MCCC1: variants seen among roughly 807,000 people sequenced by gnomAD.
The protein encoded by MCCC1 is methylcrotonyl-CoA carboxylase subunit 1.
In MCCC1, 64 loss-of-function variants were observed where a neutral mutation model predicts 83.8. The ratio of observed to expected loss-of-function variants is 0.76; its 90% CI spans 0.62 to 0.94. MCCC1 has a LOEUF of 0.94. Ranked by LOEUF, MCCC1 falls within the 40% of genes least tolerant of loss-of-function variation. MCCC1 has a pLI of 0.00. For missense variants in MCCC1, 807 were observed against 904.7 expected (o/e 0.89, Z 1.39); for synonymous variants, 322 against 315.4 (o/e 1.02, Z -0.22).
intron 3 of MCCC1, among the ~76,000 whole-genome samples, chr3:183,091,773 T>A (rs555852165): frequency 6.6e-6 from 1 of 152,166 alleles, no homozygotes; most frequent in East Asian, 1.9e-4. Flanking sequence ...CTAGGCACGG[T>A]GGCTCACGCC....
At chr3:183,030,446 T>C (rs919388364) in intron 14 of MCCC1, among the ~76,000 whole-genome samples, 2 of 152,192 alleles carry the variant, frequency 1.3e-5, no homozygotes, top group South Asian at 4.1e-4. Context: ...AGAAACCCCA[T>C]TGCCCATTCA....
At chr3:183,031,966 G>T (rs1713119834) in intron 14 of MCCC1, among the ~76,000 whole-genome samples, 2 of 152,066 alleles carry the variant, frequency 1.3e-5, no homozygotes, top group African/African-American at 4.8e-5. Context: ...ACTGTGACCA[G>T]CCTGGTCTCT....
chr3:183,070,550 T>C (rs1716586021), intron 7 of MCCC1, among the ~76,000 whole-genome samples: 1 of 152,114 alleles, frequency 6.6e-6, no homozygotes, highest in Non-Finnish European at 1.5e-5. Context: ...CTGACCAACA[T>C]GGGAAAACCC....
chr3:183,050,112 G>A (rs1714849441), intron 9 of MCCC1, among the ~76,000 whole-genome samples: 1 of 152,164 alleles, frequency 6.6e-6, no homozygotes, highest in African/African-American at 2.4e-5. Context: ...CAGCACTTTG[G>A]GAGGCCATGG....
At chr3:183,115,020 G>A (rs1449165516) in intron 1 of MCCC1, among the ~76,000 whole-genome samples, 1 of 151,898 alleles carries the variant, frequency 6.6e-6, no homozygotes, top group Admixed American at 6.6e-5. Flanking sequence ...TTGTTTCAGG[G>A]GACCCATCAT....
intron 1 of MCCC1, among the ~76,000 whole-genome samples, chr3:183,114,745 A>C (rs1409975033): frequency 6.6e-6 from 1 of 152,146 alleles, no homozygotes; most frequent in Non-Finnish European, 1.5e-5. Flanking sequence ...TCGGTTCTGG[A>C]AACGGAGCAA....
At chr3:183,098,976 G>A (rs919889816) in intron 1 of MCCC1, 8 of 371,772 alleles carry the variant, frequency 2.2e-5, no homozygotes, top group African/African-American at 1.6e-4. Flanking sequence ...GATCCCTTTG[G>A]GCTTCCCCGG....
chr3:183,108,490 G>C (rs1719440820), intron 1 of MCCC1, among the ~76,000 whole-genome samples: 1 of 152,048 alleles, frequency 6.6e-6, no homozygotes, highest in Admixed American at 6.6e-5. Flanking sequence ...ATTCCATATG[G>C]TTTTGTCTCC....
chr3:183,064,449 C>T lies in MCCC1; in HGVS notation c.761+6550G>A, dbSNP rs1353887726. 1.3e-5 allele frequency among the ~76,000 whole-genome samples: 2 copies of T among 152,176 alleles called. No individual in the cohort carries two copies. Among genetic ancestry groups the T allele is most frequent in the Non-Finnish European group, 2.9e-5 (2 of 68,020 alleles). ...CTGGCTTCCCTCGCTCCAGGAGACG[C>T]TTGGTGGGCACCCAGGAAGCTCCGT... On this transcript the variant is annotated intron_variant, in intron 7 of 18. Coordinates refer to ENST00000265594, the MANE Select transcript of MCCC1 (RefSeq NM_020166.5). This position sits in a 1 kb window ranked among gnomAD's most constrained non-coding sequence, Gnocchi z 4.5.
chr3:183,033,865 C>T (rs774854089), intron 14 of MCCC1, 126 bp downstream of exon 14: 30 of 696,120 alleles, frequency 4.3e-5, no homozygotes, highest in Non-Finnish European at 7.0e-5. Context: ...TATTTCCCTC[C>T]AATGTTTAGC....
rs553081745 is a variant in MCCC1 at position 183,017,176 on chromosome 3, G to A, written c.2049+90C>T. The A allele has an allele frequency of 2.0e-5, 22 of 1,085,122 alleles. No homozygotes were observed. In the African/African-American group the frequency reaches 2.9e-4, roughly 14 times the overall value. 67.2% of individuals were successfully genotyped at this position (1,085,122 alleles called of 1,614,324 possible). Reference sequence around the variant, plus strand: ...TCAATCATGGCTTTTCATATTTAAGGTGGTATTAACTTACAAAATAAGGCA... The same window carrying A: ...TCAATCATGGCTTTTCATATTTAAGATGGTATTAACTTACAAAATAAGGCA... On this transcript the variant is annotated intron_variant, in intron 18 of 18. Coordinates refer to ENST00000265594, the MANE Select transcript of MCCC1 (RefSeq NM_020166.5).
intron 7 of MCCC1, among the ~76,000 whole-genome samples, chr3:183,069,686 ATC>A (rs954591088): frequency 1.3e-5 from 2 of 152,192 alleles, no homozygotes; most frequent in Non-Finnish European, 2.9e-5. Flanking sequence ...TTCAAGGTAA[ATC>A]TCTTTCCAGT....
chr3:183,086,567 G>T, intron 4 of MCCC1, 126 bp downstream of exon 4: 1 of 835,612 alleles, frequency 1.2e-6, no homozygotes, highest in Non-Finnish European at 2.0e-6. Context: ...AGTTTACAAT[G>T]ATAATCCAAT....
chr3:183,028,717 A>C (rs891646845), intron 14 of MCCC1, among the ~76,000 whole-genome samples: 3 of 152,252 alleles, frequency 2.0e-5, no homozygotes, highest in African/African-American at 7.2e-5. Context: ...TGGAGACTGA[A>C]GATGTGACTG....
upstream of MCCC1, among the ~76,000 whole-genome samples, chr3:183,100,707 C>T (rs60279676): frequency 2.0e-5 from 3 of 151,944 alleles, no homozygotes; most frequent in African/African-American, 7.2e-5. Context: ...TGTCTTGTAA[C>T]CCCCCATTGA....
At chr3:183,092,839 AAT>A (rs1344368900) in intron 2 of MCCC1, among the ~76,000 whole-genome samples, 1 of 152,198 alleles carries the variant, frequency 6.6e-6, no homozygotes, top group Non-Finnish European at 1.5e-5. Context: ...ATCAAATTAT[AAT>A]AGTGTTAAAT....
At chr3:183,076,063 T>C (rs891983726) in intron 4 of MCCC1, among the ~76,000 whole-genome samples, 1 of 152,236 alleles carries the variant, frequency 6.6e-6, no homozygotes, top group African/African-American at 2.4e-5. Flanking sequence ...ATATGATTTA[T>C]AATACATAAT....
intron 4 of MCCC1, among the ~76,000 whole-genome samples, chr3:183,075,881 C>G (rs998188651): frequency 6.6e-6 from 1 of 152,106 alleles, no homozygotes; most frequent in African/African-American, 2.4e-5. Flanking sequence ...TTCTCTTGCA[C>G]ATCTGTTTAA....
Position 183,037,453 on chromosome 3 carries a change from C to T in MCCC1, c.1378-19G>A, listed in dbSNP as rs749713266. The T allele has an allele frequency of 5.7e-6, 9 of 1,590,646 alleles. No individual in the cohort carries two copies. In the South Asian group the frequency reaches 7.7e-5, roughly 14 times the overall value. The stretch of plus-strand genomic sequence containing the variant: ...CAACAATCTAGGAAGAGAATAAACC[C>T]CCAGTTCCTGCTGAGTGGGGAAAAC... On this transcript the variant is annotated intron_variant, in intron 12 of 18. Coordinates refer to ENST00000265594, the MANE Select transcript of MCCC1 (RefSeq NM_020166.5).
Sources: gnomAD v4.1 joint callset for allele counts (sites outside exome capture counted in the v4.1 genomes callset) on GRCh38, gnomAD v4.1.1 for gene constraint, Gnocchi (gnomAD v3.1) non-coding constraint, MANE v1.5 for transcripts, NCBI Gene and HGNC (gene_info 2026-07-23, HGNC 2026-07-21) for gene names.